The following NDUFAF6 variants were observed in gnomAD, a reference collection of about 807,000 sequenced individuals.
NDUFAF6 encodes NADH dehydrogenase (ubiquinone) complex I, assembly factor 6.
A neutral mutation model predicts 40.8 loss-of-function variants in NDUFAF6; 45 were observed. The observed-to-expected ratio is 1.10, with a 90% confidence interval of 0.87 to 1.42. NDUFAF6 has a LOEUF of 1.42. Ranked by LOEUF, NDUFAF6 falls within the 40% of genes most tolerant of loss-of-function variation. The pLI, the probability that NDUFAF6 is intolerant of heterozygous loss-of-function variation, is 0.00. For synonymous variants in NDUFAF6, 185 were observed against 155.9 expected (o/e 1.19, Z -1.39); for missense variants, 435 against 418.5 (o/e 1.04, Z -0.34).
rs79560866 is a variant in NDUFAF6 at position 94,896,104 on chromosome 8, C to T, written c.-936+177C>T. 1.6e-3 allele frequency among the ~76,000 whole-genome samples: 250 copies of T among 152,276 alleles called. 2 individuals carry two copies. Among genetic ancestry groups the T allele is most frequent in the African/African-American group, 5.7e-3 (235 of 41,574 alleles). On this transcript the variant is annotated intron_variant, in intron 1 of 14. Coordinates refer to the NDUFAF6 transcript ENST00000396113. ...CGCGCCCTCCCTTGCTTCCTCTCTT[C>T]TCCACCTCCAATTCCGGGATCCCAG...
intron 1 of NDUFAF6, among the ~76,000 whole-genome samples, chr8:94,941,329 C>A (rs1163333417): frequency 3.3e-5 from 5 of 151,856 alleles, no homozygotes; most frequent in Non-Finnish European, 7.4e-5. Context: ...AGAGTTGGTT[C>A]TTTTTCATAT....
intron 2 of NDUFAF6, among the ~76,000 whole-genome samples, chr8:95,087,041 A>G (rs1487118043): frequency 6.6e-6 from 1 of 151,034 alleles, no homozygotes; most frequent in East Asian, 1.9e-4. Flanking sequence ...TGTGGGAGTT[A>G]CCTGGGACCA....
In NDUFAF6 at chr8:95,047,103, C is replaced by T. The variant is rs199955582; in HGVS notation, c.690C>T (p.Phe230=). 1.6e-5 allele frequency: 26 copies of T among 1,613,986 alleles called. No individual in the cohort carries two copies. Among genetic ancestry groups the T allele is most frequent in the Middle Eastern group, 1.6e-4 (1 of 6,084 alleles). Residue 230 remains phenylalanine, a synonymous_variant, in exon 6 of 9, where the codon TTC becomes TTT. Transcript: ENST00000396124. ...ATCATGGGAGCAGAAGAAAGGTGTT[C>T]CTTCCCATGGATATTTGTATGCTGG... ...TPYHGSRRKV[F]LPMDICMLHG... is the part of the protein sequence containing the mutation.
chr8:94,909,546 A>C (rs1348073692), intron 1 of NDUFAF6, among the ~76,000 whole-genome samples: 1 of 151,478 alleles, frequency 6.6e-6, no homozygotes, highest in Admixed American at 6.6e-5. Context: ...GAATCGCTTG[A>C]ACCTAGGAGG....
chr8:94,959,540 T>G (rs897791117), intron 1 of NDUFAF6, among the ~76,000 whole-genome samples: 7 of 79,078 alleles, frequency 8.9e-5, no homozygotes, highest in Non-Finnish European at 1.2e-4. Context: ...GTTTTTTTTG[T>G]TTTTTTTTTA....
At chr8:94,934,149 GAAAA>G (rs141439112) in intron 1 of NDUFAF6, among the ~76,000 whole-genome samples, 3 of 148,432 alleles carry the variant, frequency 2.0e-5, no homozygotes, top group South Asian at 2.1e-4. Context: ...TACAGGCACA[GAAAA>G]AAAAAAACAC....
intron 9 of NDUFAF6, among the ~76,000 whole-genome samples, chr8:95,075,463 T>C (rs917233444): frequency 6.6e-6 from 1 of 152,236 alleles, no homozygotes; most frequent in African/African-American, 2.4e-5. Flanking sequence ...ATTTCTCTGA[T>C]GCCCCCAAAC....
At position 95,015,747 on chromosome 8, in the gene NDUFAF6, C is replaced by A. The variant is rs931986661; in HGVS notation, c.-83-16248C>A. ...CTTAGCAATGAACATACAATACATA[C>A]TTTTATATAGTGATAAGTACCAAGA... On this transcript the variant is annotated intron_variant, in intron 2 of 9. Coordinates refer to the NDUFAF6 transcript ENST00000396111. 4.9e-4 allele frequency among the ~76,000 whole-genome samples: 74 copies of A among 152,120 alleles called. 1 individual carries two copies. The highest frequency in any genetic ancestry group is 4.4e-5 in the Non-Finnish European group (3 of 68,030).
At chr8:95,081,830 G>A (rs1808879566) in intron 2 of NDUFAF6, among the ~76,000 whole-genome samples, 1 of 151,846 alleles carries the variant, frequency 6.6e-6, no homozygotes, top group African/African-American at 2.4e-5. Context: ...GGGAGGCCGA[G>A]GCGAGCGGAT....
chr8:95,092,982 T>C (rs1042222140), intron 2 of NDUFAF6, among the ~76,000 whole-genome samples: 3 of 152,248 alleles, frequency 2.0e-5, no homozygotes, highest in African/African-American at 7.2e-5. Context: ...ATCGGCAATT[T>C]CATGAGAACA....
chr8:94,897,540 A>G (rs1169859282), intron 1 of NDUFAF6, among the ~76,000 whole-genome samples: 1 of 152,158 alleles, frequency 6.6e-6, no homozygotes, highest in Admixed American at 6.5e-5. Flanking sequence ...GTAAAGTTAA[A>G]ACACCATGGT....
intron 4 of NDUFAF6, among the ~76,000 whole-genome samples, chr8:95,043,308 C>A (rs1343581961): frequency 6.6e-6 from 1 of 151,334 alleles, no homozygotes; most frequent in Non-Finnish European, 1.5e-5. Flanking sequence ...CCAGGATGGT[C>A]TTGATCTCCT....
intron 1 of NDUFAF6, among the ~76,000 whole-genome samples, chr8:94,973,689 CA>C (rs1824673977): frequency 7.4e-6 from 1 of 134,528 alleles, no homozygotes; most frequent in East Asian, 2.2e-4. Flanking sequence ...GCCTGGGCGA[CA>C]AGAGTGAGAC....
intron 1 of NDUFAF6, among the ~76,000 whole-genome samples, chr8:94,938,854 C>T (rs1821246731): frequency 6.6e-6 from 1 of 152,220 alleles, no homozygotes; most frequent in Admixed American, 6.5e-5. Flanking sequence ...CGTGGGAACA[C>T]CAGTTTACAG....
chr8:94,899,342 T>A (rs1817866703), intron 1 of NDUFAF6, among the ~76,000 whole-genome samples: 1 of 152,248 alleles, frequency 6.6e-6, no homozygotes, highest in African/African-American at 2.4e-5. Context: ...AGAACACACT[T>A]TGAGAACTGC....
At chr8:94,953,176 C>T (rs899259251), upstream of NDUFAF6, among the ~76,000 whole-genome samples, 3 of 152,006 alleles carry the variant, frequency 2.0e-5, no homozygotes, top group Admixed American at 6.6e-5. Flanking sequence ...GGAGAAACCC[C>T]GTCTCTACTA....
intron 1 of NDUFAF6, chr8:94,940,214 C>A: frequency 6.2e-7 from 1 of 1,607,702 alleles, no homozygotes; most frequent in Non-Finnish European, 8.5e-7. Flanking sequence ...GAAACCAGTG[C>A]AAGTATCTAG....
In NDUFAF6 at chr8:95,025,048, C is replaced by G. The variant is rs1293185347; in HGVS notation, c.40C>G (p.Arg14Gly). Residue 14 changes from arginine (R) to glycine (G), a missense_variant, in exon 1 of 9, where the codon CGG becomes GGG. Coordinates refer to ENST00000396124, the MANE Select transcript of NDUFAF6 (RefSeq NM_152416.4). ...GCACGGCTCTGTCTGGGGGCCGTTG[C>G]GGCTTGGCATCCCCGGCCTGTGCTG... The part of the protein sequence containing the change: ...SAHGSVWGPL[R>G]LGIPGLCCRR... 1.4e-6 allele frequency: 2 copies of G among 1,419,180 alleles called. No homozygotes were observed. The highest frequency in any genetic ancestry group is 3.2e-5 in the Admixed American group (1 of 30,798). The allele number at this position is 1,419,180 out of a possible 1,614,324, so 87.9% of individuals were successfully genotyped here.
chr8:94,937,550 A>C (rs1263034658), intron 1 of NDUFAF6, among the ~76,000 whole-genome samples: 1 of 151,982 alleles, frequency 6.6e-6, no homozygotes, highest in Non-Finnish European at 1.5e-5. Context: ...AGGGATGGGG[A>C]GGAGGATGCT....
Sources: gnomAD v4.1 joint callset for allele counts (sites outside exome capture counted in the v4.1 genomes callset) on GRCh38, gnomAD v4.1.1 for gene constraint, MANE v1.5 for transcripts, NCBI Gene and HGNC (gene_info 2026-07-23, HGNC 2026-07-21) for gene names.